Variants in SLC39A11 observed in about 807,000 individuals in gnomAD.
SLC39A11 encodes solute carrier family 39 member 11.
Under a neutral mutation model 36.1 loss-of-function variants are expected in SLC39A11, and 33 were observed. That is an observed-to-expected ratio of 0.91 (90% CI 0.69 to 1.22). The LOEUF is 1.22. Among genes scored for constraint, SLC39A11 ranks in the 50% most tolerant of loss-of-function variants. The pLI is 0.00. For missense variants in SLC39A11, 432 were observed against 430.3 expected, an observed-to-expected ratio of 1.00 and a Z score of -0.03; for synonymous variants, 166 against 170.3, an observed-to-expected ratio of 0.97 and a Z score of 0.20.
intron 6 of SLC39A11, among the ~76,000 whole-genome samples, chr17:72,782,188 T>G (rs1328660468): frequency 6.6e-6 from 1 of 151,782 alleles, no homozygotes; most frequent in East Asian, 1.9e-4. Context: ...GAAGACAATC[T>G]CAGGACAGAG....
At chr17:72,984,751 A>G (rs531263611) in intron 4 of SLC39A11, among the ~76,000 whole-genome samples, 1 of 152,348 alleles carries the variant, frequency 6.6e-6, no homozygotes, top group South Asian at 2.1e-4. Flanking sequence ...TCTGGTTACC[A>G]TTCCTGTGTG....
intron 5 of SLC39A11, among the ~76,000 whole-genome samples, chr17:72,923,884 C>T (rs551116259): frequency 3.9e-4 from 59 of 152,108 alleles, no homozygotes; most frequent in South Asian, 1.2e-3. Context: ...GTGGCTCACA[C>T]CTATAATCCC....
intron 7 of SLC39A11, among the ~76,000 whole-genome samples, chr17:72,675,944 G>A (rs550017176): frequency 1.8e-3 from 274 of 152,196 alleles, no homozygotes; most frequent in African/African-American, 6.3e-3. Context: ...CTCCCAAAGT[G>A]CTGGGATGAC....
At position 72,796,865 on chromosome 17, in the gene SLC39A11, G is replaced by A. The variant is rs117375262; in HGVS notation, c.601+52769C>T. ...GTATGCAAGAAGATGTGACAACCCA[G>A]CCCTGATTTTCAAAGTTACCTGTGG... On this transcript the variant is annotated intron_variant, in intron 6 of 9. Transcript: ENST00000255559. Among the ~76,000 whole-genome samples, 31 of 152,234 alleles carry A rather than the reference G, an allele frequency of 2.0e-4. No individual in the cohort carries two copies. The East Asian group carries it at 3.3e-3, about 16-fold the overall frequency.
chr17:72,730,407 C>T (rs969381408), intron 7 of SLC39A11, among the ~76,000 whole-genome samples: 45 of 152,188 alleles, frequency 3.0e-4, no homozygotes, highest in Admixed American at 2.9e-3. Context: ...TTTTGATTAG[C>T]GTTTGCCTTG....
At chr17:72,730,408 GTT>G (rs2074168210) in intron 7 of SLC39A11, among the ~76,000 whole-genome samples, 1 of 152,230 alleles carries the variant, frequency 6.6e-6, no homozygotes, top group African/African-American at 2.4e-5. Context: ...TTTGATTAGC[GTT>G]TGCCTTGTAT....
intron 6 of SLC39A11, among the ~76,000 whole-genome samples, chr17:72,804,673 CACCT>C: frequency 6.6e-6 from 1 of 152,290 alleles, no homozygotes; most frequent in East Asian, 1.9e-4. Flanking sequence ...CTAGCTGTGG[CACCT>C]CAGACCAGTC....
chr17:72,730,005 G>A (rs1234663427), intron 7 of SLC39A11, among the ~76,000 whole-genome samples: 1 of 152,130 alleles, frequency 6.6e-6, no homozygotes, highest in Non-Finnish European at 1.5e-5. Context: ...ATTGATCTTA[G>A]GGTATGTATT....
rs1276227857 is a variant in SLC39A11 at position 72,820,355 on chromosome 17, C to T, written c.601+29279G>A. On this transcript the variant is annotated intron_variant, in intron 6 of 9. Transcript: ENST00000255559. ...TTGCGATGTCCCATCCTCATGAATA[C>T]ATTTGTAGCTGTCTTAAGCAAAGTG... 2.0e-5 allele frequency among the ~76,000 whole-genome samples: 3 copies of T among 151,242 alleles called. No homozygotes were observed. The East Asian group carries it at 5.8e-4, about 29-fold the overall frequency.
intron 6 of SLC39A11, among the ~76,000 whole-genome samples, chr17:72,787,822 T>A (rs543203751): frequency 6.6e-6 from 1 of 152,308 alleles, no homozygotes; most frequent in South Asian, 2.1e-4. Context: ...TGTTTCCTCC[T>A]GGGATGCACA....
intron 1 of SLC39A11, among the ~76,000 whole-genome samples, chr17:73,091,297 G>A (rs1297590183): frequency 1.3e-5 from 2 of 151,988 alleles, no homozygotes; most frequent in Admixed American, 6.6e-5. Context: ...GCGTCGTGGT[G>A]TGTGCCTGTA....
intron 7 of SLC39A11, among the ~76,000 whole-genome samples, chr17:72,654,234 G>A (rs930009850): frequency 1.4e-5 from 2 of 139,850 alleles, no homozygotes; most frequent in Non-Finnish European, 3.2e-5. Flanking sequence ...AGGGTGATGG[G>A]TGCCGCTTCT....
intron 7 of SLC39A11, among the ~76,000 whole-genome samples, chr17:72,698,159 T>C (rs368115165): frequency 4.7e-4 from 72 of 152,312 alleles, no homozygotes; most frequent in African/African-American, 1.4e-3. Context: ...CGTCTACTTT[T>C]ACTTATGCAC....
intron 5 of SLC39A11, among the ~76,000 whole-genome samples, chr17:72,903,576 G>A (rs911529860): frequency 4.6e-5 from 7 of 152,200 alleles, no homozygotes; most frequent in Admixed American, 1.3e-4. Flanking sequence ...CCAGAGCACA[G>A]AGGGGCAGCC....
At chr17:72,660,220 C>G (rs552474413) in intron 7 of SLC39A11, among the ~76,000 whole-genome samples, 1 of 152,314 alleles carries the variant, frequency 6.6e-6, no homozygotes, top group East Asian at 1.9e-4. Context: ...CCACTGCAAC[C>G]GCCTGCGGTT....
intron 6 of SLC39A11, among the ~76,000 whole-genome samples, chr17:72,818,632 G>A (rs970710420): frequency 2.0e-5 from 3 of 151,962 alleles, no homozygotes; most frequent in African/African-American, 4.8e-5. Context: ...ACTCTACTTA[G>A]GTCCCTGTGT....
chr17:73,025,855 C>T (rs2058517672), intron 4 of SLC39A11, among the ~76,000 whole-genome samples: 1 of 152,002 alleles, frequency 6.6e-6, no homozygotes, highest in South Asian at 2.1e-4. Context: ...TGGCTCACGC[C>T]TGTAATTCCA....
At chr17:72,882,512 A>T in intron 5 of SLC39A11, among the ~76,000 whole-genome samples, 1 of 152,328 alleles carries the variant, frequency 6.6e-6, no homozygotes, top group East Asian at 1.9e-4. Flanking sequence ...ATCACAGAAC[A>T]TTGTTAACTT....
intron 4 of SLC39A11, among the ~76,000 whole-genome samples, chr17:72,992,606 C>A (rs1032688984): frequency 1.3e-5 from 2 of 152,132 alleles, no homozygotes; most frequent in Admixed American, 1.3e-4. Flanking sequence ...TTCTCACAAG[C>A]CTTGGCTTGA....
Sources: gnomAD v4.1 joint callset for allele counts (sites outside exome capture counted in the v4.1 genomes callset) on GRCh38, gnomAD v4.1.1 for gene constraint, MANE v1.5 for transcripts, NCBI Gene and HGNC (gene_info 2026-07-23, HGNC 2026-07-21) for gene names.